Variants in TBL1X observed in about 807,000 individuals in gnomAD.
TBL1X encodes F-box-like/WD repeat-containing protein TBL1X.
Under a neutral mutation model 50.7 loss-of-function variants are expected in TBL1X, and 10 were observed. The ratio of observed to expected loss-of-function variants is 0.20; its 90% CI spans 0.12 to 0.33. TBL1X has a LOEUF of 0.33. Ranked by LOEUF, TBL1X falls within the 10% of genes least tolerant of loss-of-function variation. The pLI is 1.00. For synonymous variants in TBL1X, 190 were observed against 214.7 expected (o/e 0.88, Z 1.01); for missense variants, 340 against 504.4 (o/e 0.67, Z 3.12).
intron 3 of TBL1X, among the ~76,000 whole-genome samples, chrX:9,653,096 C>T (rs1328340362): frequency 1.8e-5 from 2 of 112,353 alleles, no homozygotes; most frequent in East Asian, 5.6e-4. Context: ...ACCCAGGAGG[C>T]GGAGGATGCA....
chrX:9,486,682 C>T (rs1422695040), intron 1 of TBL1X, among the ~76,000 whole-genome samples: 1 of 109,038 alleles, frequency 9.2e-6, no homozygotes, highest in Non-Finnish European at 1.9e-5. Context: ...CTCATGTCTC[C>T]CTAAAATGTA....
At chrX:9,682,788 G>T (rs1280105764) in intron 5 of TBL1X, among the ~76,000 whole-genome samples, 1 of 112,284 alleles carries the variant, frequency 8.9e-6, no homozygotes, top group African/African-American at 3.2e-5. Context: ...GGGATAAGCA[G>T]ATTCTCAGCC....
chrX:9,707,337 C>T (rs2083214934), intron 13 of TBL1X, among the ~76,000 whole-genome samples: 1 of 112,244 alleles, frequency 8.9e-6, no homozygotes, highest in African/African-American at 3.2e-5. Flanking sequence ...ACTCTCTTCT[C>T]CCGGTCTAAA....
At chrX:9,674,679 A>AGC (rs1569094485) in intron 5 of TBL1X, among the ~76,000 whole-genome samples, 24 of 1,053 alleles carry the variant, frequency 0.023, 3 homozygotes, top group African/African-American at 0.089. Flanking sequence ...CTCCCGCCTC[A>AGC]GCCCCCCCCC....
chrX:9,582,490 A>G (rs1015548223), intron 2 of TBL1X, among the ~76,000 whole-genome samples: 4 of 112,734 alleles, frequency 3.5e-5, no homozygotes. Context: ...ATGTTCTTTC[A>G]GCATGAGATA....
intron 1 of TBL1X, among the ~76,000 whole-genome samples, chrX:9,491,547 T>C (rs2146941555): frequency 9.3e-6 from 1 of 107,936 alleles, no homozygotes; most frequent in Admixed American, 1.0e-4. Flanking sequence ...ACGCTTTATA[T>C]TTTGTTTCTA....
At chrX:9,464,446 C>T (rs751051450), upstream of TBL1X, among the ~76,000 whole-genome samples, 5 of 111,415 alleles carry the variant, frequency 4.5e-5, no homozygotes, top group East Asian at 1.4e-3. Flanking sequence ...CCGGAACCCC[C>T]ACTTTTTGAG....
At chrX:9,670,850 A>G (rs1474669227) in intron 5 of TBL1X, among the ~76,000 whole-genome samples, 7 of 112,657 alleles carry the variant, frequency 6.2e-5, no homozygotes, top group Admixed American at 3.8e-4. Flanking sequence ...ATGTGTATCC[A>G]TGTTTAAAAA....
chrX:9,537,175 C>T (rs1046472316), intron 2 of TBL1X, among the ~76,000 whole-genome samples: 1 of 111,301 alleles, frequency 9.0e-6, no homozygotes, highest in African/African-American at 3.3e-5. Flanking sequence ...TTGGTTTTTA[C>T]CTTTGAGCCA....
chrX:9,537,764 A>G (rs1256993324), intron 2 of TBL1X, among the ~76,000 whole-genome samples: 1 of 112,583 alleles, frequency 8.9e-6, no homozygotes, highest in Non-Finnish European at 1.9e-5. Flanking sequence ...TAATGCTGCT[A>G]TGAGCATTGG....
chrX:9,510,595 T>C (rs754697462), intron 2 of TBL1X, among the ~76,000 whole-genome samples: 2 of 112,675 alleles, frequency 1.8e-5, no homozygotes, highest in South Asian at 3.7e-4. Context: ...TGGTTAACTT[T>C]ATGTGTCATC....
intron 5 of TBL1X, among the ~76,000 whole-genome samples, chrX:9,672,698 A>G (rs746646321): frequency 1.3e-4 from 14 of 110,750 alleles, no homozygotes; most frequent in African/African-American, 4.3e-4. Flanking sequence ...TGTATCCCCA[A>G]CTTCTCCATT....
chrX:9,523,474 G>A (rs1375382818), intron 2 of TBL1X, among the ~76,000 whole-genome samples: 1 of 111,493 alleles, frequency 9.0e-6, no homozygotes, highest in Non-Finnish European at 1.9e-5. Flanking sequence ...ATGAGGCCAC[G>A]CCACTCACAC....
At chrX:9,712,988 G>T (rs1300983145) in intron 16 of TBL1X, among the ~76,000 whole-genome samples, 1 of 111,363 alleles carries the variant, frequency 9.0e-6, no homozygotes, top group African/African-American at 3.3e-5. Flanking sequence ...CATCTGCACT[G>T]CCTTCTTGGT....
intron 6 of TBL1X, among the ~76,000 whole-genome samples, chrX:9,685,336 G>A (rs899192111): frequency 1.8e-5 from 2 of 111,805 alleles, no homozygotes; most frequent in Admixed American, 9.5e-5. Flanking sequence ...TGTTGCCCAG[G>A]CTAGGGTGCA....
chrX:9,613,726 C>A (rs1471099716), intron 2 of TBL1X, among the ~76,000 whole-genome samples: 1 of 111,073 alleles, frequency 9.0e-6, no homozygotes, highest in African/African-American at 3.3e-5. Flanking sequence ...TGGCTCACAC[C>A]TGTAATCCCA....
At chrX:9,502,681 A>G (rs2254392) in intron 2 of TBL1X, among the ~76,000 whole-genome samples, 47,879 of 111,443 alleles carry the variant, frequency 0.43, 7,653 homozygotes, top group Admixed American at 0.56. Context: ...CCTAGAGAGC[A>G]GGGACCATTT....
intron 9 of TBL1X, among the ~76,000 whole-genome samples, 176 bp downstream of exon 9, chrX:9,692,430 C>T (rs998776502): frequency 4.5e-5 from 5 of 111,689 alleles, no homozygotes; most frequent in Admixed American, 9.5e-5. Context: ...TATTTTGAGA[C>T]GGAGTCTTGC....
At chrX:9,623,102 G>A (rs993504600) in intron 2 of TBL1X, among the ~76,000 whole-genome samples, 1 of 111,200 alleles carries the variant, frequency 9.0e-6, no homozygotes, top group Non-Finnish European at 1.9e-5. Context: ...TAAAGGTAGG[G>A]TCCAACCGTG....
Sources: allele counts gnomAD v4.1 joint callset (sites outside exome capture counted in the v4.1 genomes callset), GRCh38; gene constraint gnomAD v4.1.1; transcripts MANE v1.5; gene names NCBI Gene and HGNC (gene_info 2026-07-23, HGNC 2026-07-21).